The following GIGYF2 variants were observed in gnomAD, a reference collection of about 807,000 sequenced individuals.
The protein encoded by GIGYF2 is GRB10-interacting GYF protein 2.
In GIGYF2, 25 loss-of-function variants were observed where a neutral mutation model predicts 208.1. The ratio of observed to expected loss-of-function variants is 0.12; its 90% CI spans 0.09 to 0.17. GIGYF2 has a LOEUF of 0.17. GIGYF2 is among the 10% of genes least tolerant of loss of function. The pLI, the probability that GIGYF2 is intolerant of heterozygous loss-of-function variation, is 1.00. For missense variants in GIGYF2, 1,302 were observed against 1,579.4 expected, an observed-to-expected ratio of 0.82 and a Z score of 2.98; for synonymous variants, 534 against 543.8, an observed-to-expected ratio of 0.98 and a Z score of 0.25.
intron 2 of GIGYF2, among the ~76,000 whole-genome samples, chr2:232,724,207 A>ATTTT (rs1163865821): frequency 4.4e-5 from 5 of 114,224 alleles, no homozygotes; most frequent in Admixed American, 9.7e-5. Flanking sequence ...ACACCTGGCT[A>ATTTT]TTTTTTTTTT....
intron 8 of GIGYF2, chr2:232,770,835 C>A: frequency 9.0e-7 from 1 of 1,113,008 alleles, no homozygotes; most frequent in South Asian, 1.3e-5. Flanking sequence ...ATACCCTTTC[C>A]AAACACCTGT....
chr2:232,778,876 C>G (rs1022672112), intron 8 of GIGYF2, among the ~76,000 whole-genome samples: 1 of 152,134 alleles, frequency 6.6e-6, no homozygotes. Context: ...AGGAAGAACG[C>G]TACTAGACCT....
At chr2:232,777,406 C>T (rs1699558229) in intron 8 of GIGYF2, among the ~76,000 whole-genome samples, 1 of 152,120 alleles carries the variant, frequency 6.6e-6, no homozygotes, top group South Asian at 2.1e-4. Flanking sequence ...TGGCTTTGTG[C>T]AGTGCCTTAG....
rs1212639137 is a variant in GIGYF2 at position 232,760,528 on chromosome 2, T to C, written c.428T>C (p.Val143Ala). The C allele has an allele frequency of 6.2e-7, 1 of 1,613,442 alleles. No homozygotes were observed. Among genetic ancestry groups the C allele is most frequent in the African/African-American group, 1.3e-5 (1 of 74,780 alleles). ...CGFYQRSFDEVEGVFGRGGGR... is the reference protein window; with the variant it reads ...CGFYQRSFDEAEGVFGRGGGR... ...TTCTACCAAAGAAGTTTTGATGAAG[T>C]AGAGGGTGTTTTTGGTCGAGGAGGT... Residue 143 changes from valine to alanine, a missense_variant, in exon 7 of 29, where the codon GTA becomes GCA. Around this residue, in one of 8 missense-constraint regions of GIGYF2, gnomAD observed 189 missense variants for 257.7 expected, o/e 0.73. Coordinates refer to ENST00000373563, the MANE Select transcript of GIGYF2 (RefSeq NM_001103146.3).
At chr2:232,851,797 G>C (rs1031131957) in intron 28 of GIGYF2, among the ~76,000 whole-genome samples, 4 of 152,214 alleles carry the variant, frequency 2.6e-5, no homozygotes, top group African/African-American at 9.6e-5. Context: ...ACATTCGCAA[G>C]GATGGAAGTT....
intron 28 of GIGYF2, 125 bp from the exon 29 acceptor site, chr2:232,856,668 G>T: frequency 1.3e-6 from 1 of 768,324 alleles, no homozygotes; most frequent in Non-Finnish European, 2.4e-6. Context: ...CTCCAGCCTG[G>T]GTGACAGAGT....
At chr2:232,720,583 A>ATATATTTTT (rs376956632) in intron 2 of GIGYF2, among the ~76,000 whole-genome samples, 1,562 of 144,958 alleles carry the variant, frequency 0.011, 14 homozygotes, top group Non-Finnish European at 0.017. Context: ...ATATATATAT[A>ATATATTTTT]TTTTTGTTTG....
chr2:232,813,132 G>A (rs1476680606), intron 18 of GIGYF2, among the ~76,000 whole-genome samples: 1 of 151,760 alleles, frequency 6.6e-6, no homozygotes, highest in Non-Finnish European at 1.5e-5. Flanking sequence ...GAAAATTTGG[G>A]GTTGAGATTA....
chr2:232,734,694 T>G (rs1697658065), intron 2 of GIGYF2, among the ~76,000 whole-genome samples: 1 of 152,226 alleles, frequency 6.6e-6, no homozygotes, highest in Non-Finnish European at 1.5e-5. Flanking sequence ...AGGAGAGTTG[T>G]GGCAGAAGCT....
At chr2:232,840,497 A>G (rs1006260371) in intron 23 of GIGYF2, among the ~76,000 whole-genome samples, 3 of 151,514 alleles carry the variant, frequency 2.0e-5, no homozygotes, top group Non-Finnish European at 4.4e-5. Flanking sequence ...AATAATTTTC[A>G]TAGTTTGGTT....
chr2:232,734,085 A>G (rs1035961898), intron 2 of GIGYF2, among the ~76,000 whole-genome samples: 7 of 134,944 alleles, frequency 5.2e-5, no homozygotes, highest in African/African-American at 1.9e-4. Flanking sequence ...TAAAAAATTT[A>G]TATTTTATTT....
intron 3 of GIGYF2, among the ~76,000 whole-genome samples, chr2:232,742,264 G>A (rs1005321627): frequency 7.2e-5 from 11 of 152,170 alleles, no homozygotes; most frequent in Non-Finnish European, 1.6e-4. Context: ...ATTGGGGCTG[G>A]GCGCAGTGGC....
intron 12 of GIGYF2, among the ~76,000 whole-genome samples, chr2:232,792,521 T>G (rs867166768): frequency 6.6e-6 from 1 of 152,142 alleles, no homozygotes; most frequent in South Asian, 2.1e-4. Context: ...GGAGATCACT[T>G]GAGCCCAGGA....
intron 14 of GIGYF2, among the ~76,000 whole-genome samples, chr2:232,800,365 C>T (rs893859922): frequency 1.3e-5 from 2 of 152,144 alleles, no homozygotes; most frequent in East Asian, 1.9e-4. Flanking sequence ...TTCCAAATAC[C>T]GTTTGTTAAA....
chr2:232,831,432 C>T (rs1701422440), intron 21 of GIGYF2, among the ~76,000 whole-genome samples: 1 of 152,084 alleles, frequency 6.6e-6, no homozygotes, highest in Non-Finnish European at 1.5e-5. Context: ...TACTACATGC[C>T]AGTTACTGTG....
rs11555646 is a variant in GIGYF2, at chr2:232,735,194, A to C, written c.-4A>C. 0.35 allele frequency: 563,596 copies of C among 1,591,010 alleles called. 105,819 individuals are homozygous for C. Among genetic ancestry groups the C allele is most frequent in the South Asian group, 0.63 (56,781 of 90,438 alleles). ...AAAAATCTATTGTAAAAATACGGAAAAGAATGGCAGCGGAAACGCAGACAC... is the reference window on the plus strand; with the variant it reads ...AAAAATCTATTGTAAAAATACGGAACAGAATGGCAGCGGAAACGCAGACAC... On this transcript the variant is annotated 5_prime_UTR_variant, in exon 3 of 29. Coordinates refer to ENST00000373563, the MANE Select transcript of GIGYF2 (RefSeq NM_001103146.3).
intron 8 of GIGYF2, chr2:232,776,470 A>T: frequency 6.3e-7 from 1 of 1,580,568 alleles, no homozygotes; most frequent in East Asian, 2.2e-5. Flanking sequence ...GTCAGCCTTT[A>T]TGCCAAGGTA....
At chr2:232,824,317 C>T (rs747001315) in intron 21 of GIGYF2, among the ~76,000 whole-genome samples, 1 of 152,188 alleles carries the variant, frequency 6.6e-6, no homozygotes, top group African/African-American at 2.4e-5. Flanking sequence ...CTAGGACCCC[C>T]TGTGCCAGTT....
chr2:232,802,643 G>A (rs1559443608), intron 14 of GIGYF2, among the ~76,000 whole-genome samples: 1 of 151,984 alleles, frequency 6.6e-6, no homozygotes, highest in Non-Finnish European at 1.5e-5. Context: ...AATTTGCTTT[G>A]CTAGTATTTT....
Sources: allele counts gnomAD v4.1 joint callset (sites outside exome capture counted in the v4.1 genomes callset), GRCh38; gene constraint gnomAD v4.1.1; regional missense constraint gnomAD v4.1.1; transcripts MANE v1.5; gene names NCBI Gene and HGNC (gene_info 2026-07-23, HGNC 2026-07-21).